Variants in C1QTNF1 observed in about 807,000 individuals in gnomAD.
The protein encoded by C1QTNF1 is complement C1q tumor necrosis factor-related protein 1.
In C1QTNF1, 22 loss-of-function variants were observed where a neutral mutation model predicts 27.8. The observed-to-expected ratio is 0.79, with a 90% confidence interval of 0.56 to 1.13. C1QTNF1 has a LOEUF of 1.13. Ranked by LOEUF, C1QTNF1 falls within the 50% of genes most tolerant of loss-of-function variation. The probability of loss-of-function intolerance (pLI) is 0.00; values close to 1 mark genes in which losing one functional copy is unlikely to be tolerated. For missense variants in C1QTNF1, 373 were observed against 380.2 expected, an observed-to-expected ratio of 0.98 and a Z score of 0.16; for synonymous variants, 166 against 154.3, an observed-to-expected ratio of 1.08 and a Z score of -0.56.
At chr17:79,026,357 T>C (rs1210325251) in intron 1 of C1QTNF1, among the ~76,000 whole-genome samples, 2 of 152,164 alleles carry the variant, frequency 1.3e-5, no homozygotes, top group Non-Finnish European at 2.9e-5. Context: ...TTTCACCCTG[T>C]TGGTCAGGCT....
rs1263529947 is a variant in C1QTNF1 at position 79,047,669 on chromosome 17, A to G, written c.427A>G (p.Ser143Gly). 5 of 1,613,556 alleles carry G rather than the reference A, an allele frequency of 3.1e-6. No individual in the cohort carries two copies. In the East Asian group the frequency reaches 1.1e-4, roughly 36 times the overall value. ...GGGGGCCCCTGGGGAGCGGTGCAAG[A>G]GCCACTACGCCGCCTTTTCGGTGGG... ...SMGAPGERCK[S>G]HYAAFSVGRK... Residue 143 changes from serine to glycine, a missense_variant, in exon 4 of 4, where the codon AGC (serine) becomes GGC (glycine). Transcript: ENST00000579760.
chr17:79,030,319 TTGTGTGTGTG>T (rs142110810), intron 1 of C1QTNF1, among the ~76,000 whole-genome samples: 1 of 147,830 alleles, frequency 6.8e-6, no homozygotes, highest in Non-Finnish European at 1.5e-5. Context: ...CTTTGTGGTT[TTGTGTGTGTG>T]TGTGTGTGTG....
At chr17:79,025,150 G>C (rs1342947759) in intron 1 of C1QTNF1, 1 of 152,370 alleles carries the variant, frequency 6.6e-6, no homozygotes, top group East Asian at 1.9e-4. Context: ...CCCCCGGCCT[G>C]GGGCTGGAGC....
chr17:79,023,698 G>A (rs1166283804), upstream of C1QTNF1, among the ~76,000 whole-genome samples: 3 of 81,020 alleles, frequency 3.7e-5, no homozygotes, highest in African/African-American at 6.2e-5. Flanking sequence ...GGTGATGCGC[G>A]CGCGCGCACA....
Position 79,047,561 on chromosome 17 carries a change from C to G in C1QTNF1, c.319C>G (p.Arg107Gly), listed in dbSNP as rs1269829167. ...AGGGGAGAAGGGTGACCGCGGAGATCGAGGCCTCCAAGGGAAATATGGCAA... is the reference window on the plus strand; with the variant it reads ...AGGGGAGAAGGGTGACCGCGGAGATGGAGGCCTCCAAGGGAAATATGGCAA... ...LKGEKGDRGD[R>G]GLQGKYGKTG... Residue 107 changes from arginine to glycine, a missense_variant, in exon 4 of 4, where the codon CGA (arginine) becomes GGA (glycine). Coordinates refer to ENST00000579760, the MANE Select transcript of C1QTNF1 (RefSeq NM_030968.5). The G allele has an allele frequency of 2.6e-6, 4 of 1,528,672 alleles. No individual in the cohort carries two copies. Among genetic ancestry groups the G allele is most frequent in the Non-Finnish European group, 2.6e-6 (3 of 1,140,134 alleles). The allele number at this position is 1,528,672 out of a possible 1,614,324, so 94.7% of individuals were successfully genotyped here.
intron 1 of C1QTNF1, chr17:79,026,081 G>A (rs553093765): frequency 8.6e-5 from 15 of 174,824 alleles, no homozygotes; most frequent in South Asian, 1.5e-4. Context: ...AGAGGCTCAC[G>A]GCTTGCTTGA....
chr17:79,037,821 A>G (rs2072300203), intron 1 of C1QTNF1, among the ~76,000 whole-genome samples: 1 of 151,652 alleles, frequency 6.6e-6, no homozygotes, highest in Non-Finnish European at 1.5e-5. Context: ...ACAGGCGAAC[A>G]CCACCATGCC....
intron 1 of C1QTNF1, among the ~76,000 whole-genome samples, chr17:79,038,901 T>C (rs2072329341): frequency 6.6e-6 from 1 of 152,198 alleles, no homozygotes; most frequent in African/African-American, 2.4e-5. Flanking sequence ...TCTTAAGATC[T>C]TTTCAGGAAG....
At chr17:79,039,859 A>G (rs767430558) in intron 1 of C1QTNF1, among the ~76,000 whole-genome samples, 1 of 151,936 alleles carries the variant, frequency 6.6e-6, no homozygotes, top group Non-Finnish European at 1.5e-5. Flanking sequence ...GTATGTGTAT[A>G]TATAAAATTT....
At chr17:79,043,910 T>C (rs1568069782) in intron 1 of C1QTNF1, 45 bp from the exon 2 acceptor site, 1 of 1,607,110 alleles carries the variant, frequency 6.2e-7, no homozygotes. Flanking sequence ...TCTGTGCAGC[T>C]CCTTCCTAAC....
At chr17:79,031,999 C>G (rs182054339) in intron 1 of C1QTNF1, among the ~76,000 whole-genome samples, 1 of 152,170 alleles carries the variant, frequency 6.6e-6, no homozygotes, top group Non-Finnish European at 1.5e-5. Flanking sequence ...CATCTTTGGA[C>G]GATGGCTCTG....
chr17:79,025,405 C>T (rs772185459), intron 1 of C1QTNF1, among the ~76,000 whole-genome samples: 2 of 152,158 alleles, frequency 1.3e-5, no homozygotes, highest in East Asian at 1.9e-4. Context: ...AAGCCGCCCC[C>T]CTCTGTGAGG....
Position 79,046,720 on chromosome 17 carries a change from G to T in C1QTNF1, c.295+26G>T, listed in dbSNP as rs545938374. 2 of 1,613,694 alleles carry T rather than the reference G, an allele frequency of 1.2e-6. No homozygotes were observed. The highest frequency in any genetic ancestry group is 1.7e-6 in the Non-Finnish European group (2 of 1,179,810). On this transcript the variant is annotated intron_variant, in intron 3 of 3. Transcript: ENST00000579760. The surrounding 1 kb of genome is among the most constrained non-coding windows in gnomAD (Gnocchi z 4.8). ...GTCAGATGGCTGCAAAGACAAGCAC[G>T]GGGTGGCCGGGCTGCTCTGTGCTGA...
At chr17:79,042,457 G>A in intron 1 of C1QTNF1, among the ~76,000 whole-genome samples, 1 of 152,234 alleles carries the variant, frequency 6.6e-6, no homozygotes, top group Non-Finnish European at 1.5e-5. Context: ...GAGACGTGGG[G>A]TTGGCTTCCT....
rs1043991493 is a variant in C1QTNF1 at position 79,046,024 on chromosome 17, T to C, written c.156-531T>C. Among the ~76,000 whole-genome samples the C allele has an allele frequency of 2.0e-5, 3 of 152,132 alleles. No individual in the cohort carries two copies. The highest frequency in any genetic ancestry group is 7.2e-5 in the African/African-American group (3 of 41,432). On this transcript the variant is annotated intron_variant, in intron 2 of 3. Coordinates refer to ENST00000579760, the MANE Select transcript of C1QTNF1 (RefSeq NM_030968.5). This position sits in a 1 kb window ranked among gnomAD's most constrained non-coding sequence, Gnocchi z 4.8. ...GAGCCACAAGCCAGAGCACATGTGA[T>C]GCCATGAGGGGCCGCGAGGTGGCAG...
At chr17:79,023,978 G>C (rs2071843624), upstream of C1QTNF1, 1 of 152,306 alleles carries the variant, frequency 6.6e-6, no homozygotes, top group African/African-American at 2.4e-5. Context: ...CAGCCCCTCC[G>C]CCTCTGGACG....
At chr17:79,025,828 G>A in intron 1 of C1QTNF1, 1 of 329,518 alleles carries the variant, frequency 3.0e-6, no homozygotes, top group Non-Finnish European at 6.3e-6. Context: ...TCTTAGAGCT[G>A]CAGAGCTGGA....
chr17:79,031,826 A>T (rs1366913673), intron 1 of C1QTNF1, among the ~76,000 whole-genome samples: 1 of 152,218 alleles, frequency 6.6e-6, no homozygotes, highest in African/African-American at 2.4e-5. Flanking sequence ...ATCTCTTTGA[A>T]GCAATAGACT....
At position 79,043,950 on chromosome 17, in the gene C1QTNF1, ACCAGGGCCC is replaced by A. The variant is rs1445051185; in HGVS notation, c.-14-4_-10del. On this transcript the variant is annotated splice_acceptor_variant and splice_polypyrimidine_tract_variant and 5_prime_UTR_variant and intron_variant, in exon 2 of 4. Transcript: ENST00000579760. LOFTEE classifies it low-confidence loss of function (5UTR_SPLICE). The stretch of plus-strand genomic sequence containing the variant: ...TGCCTTCCCTGTGTGTTTCTTTCCC[ACCAGGGCCC>A]GGCAGGAAGATGGGCTCCCGTGGAC... The A allele has an allele frequency of 6.2e-7, 1 of 1,613,220 alleles. No homozygotes were observed. Among genetic ancestry groups the A allele is most frequent in the South Asian group, 1.1e-5 (1 of 91,046 alleles).
Sources: gnomAD v4.1 joint callset for allele counts (sites outside exome capture counted in the v4.1 genomes callset) on GRCh38, gnomAD v4.1.1 for gene constraint, Gnocchi (gnomAD v3.1) non-coding constraint, MANE v1.5 for transcripts, NCBI Gene and HGNC (gene_info 2026-07-23, HGNC 2026-07-21) for gene names.